The following ZFHX3 variants were observed in gnomAD, a reference collection of about 807,000 sequenced individuals.
ZFHX3 encodes the protein zinc finger homeobox protein 3.
Under a neutral mutation model 279.1 loss-of-function variants are expected in ZFHX3, and 42 were observed. The ratio of observed to expected loss-of-function variants is 0.15; its 90% CI spans 0.12 to 0.19. The LOEUF (loss-of-function observed/expected upper bound fraction) is 0.19, where lower values mean the gene tolerates loss of function less well. Among genes scored for constraint, ZFHX3 ranks in the 10% least tolerant of loss-of-function variants. The pLI is 1.00. For missense variants in ZFHX3, 4,981 were observed against 4,754.0 expected, an observed-to-expected ratio of 1.05 and a Z score of -1.40; for synonymous variants, 2,293 against 1,957.8, an observed-to-expected ratio of 1.17 and a Z score of -4.52.
At chr16:73,211,005 G>T (rs751044956) in intron 5 of ZFHX3, among the ~76,000 whole-genome samples, 10 of 152,140 alleles carry the variant, frequency 6.6e-5, no homozygotes, top group Non-Finnish European at 1.2e-4. Context: ...TAAGCAGGAA[G>T]ATATCTCTTT....
intron 2 of ZFHX3, among the ~76,000 whole-genome samples, chr16:73,660,769 A>G (rs1433720015): frequency 6.6e-6 from 1 of 152,200 alleles, no homozygotes. Flanking sequence ...TAATTCCTTT[A>G]TTGCATAAGT....
At chr16:73,565,424 A>G (rs750207697) in intron 2 of ZFHX3, among the ~76,000 whole-genome samples, 1 of 152,180 alleles carries the variant, frequency 6.6e-6, no homozygotes, top group Non-Finnish European at 1.5e-5. Context: ...TGTAACGTAG[A>G]ACTTCTAAAA....
Position 72,932,596 on chromosome 16 carries a change from T to A in ZFHX3, c.3216+17873A>T, listed in dbSNP as rs561721042. ...GTTAAATTACTGGCTCAAGGTCATT[T>A]CACTAAACATCGGTCATAATCTCTC... On this transcript the variant is annotated intron_variant, in intron 3 of 9. Transcript: ENST00000268489. 3.4e-5 allele frequency among the ~76,000 whole-genome samples: 5 copies of A among 148,840 alleles called. No individual in the cohort carries two copies. The South Asian group carries it at 1.1e-3, about 32-fold the overall frequency.
rs745946187 is a variant in ZFHX3 at position 72,786,254 on chromosome 16, T to C, written c.*910A>G. 3.3e-5 allele frequency: 5 copies of C among 152,480 alleles called. No individual in the cohort carries two copies. Among genetic ancestry groups the C allele is most frequent in the Non-Finnish European group, 1.5e-5 (1 of 68,010 alleles). The allele number at this position is 152,480 out of a possible 1,614,324, so 9.4% of individuals were successfully genotyped here. ...TGTACACAAAAGGTTTTTTTTTTTTTTTCCTTTTAAATCTACCATACTGCT... is the reference window on the plus strand; with the variant it reads ...TGTACACAAAAGGTTTTTTTTTTTTCTTCCTTTTAAATCTACCATACTGCT... On this transcript the variant is annotated 3_prime_UTR_variant, in exon 10 of 10. Coordinates refer to ENST00000268489, the MANE Select transcript of ZFHX3 (RefSeq NM_006885.4).
At chr16:73,669,018 CTTTT>C (rs1224149832) in intron 2 of ZFHX3, among the ~76,000 whole-genome samples, 1 of 150,304 alleles carries the variant, frequency 6.7e-6, no homozygotes, top group Non-Finnish European at 1.5e-5. Flanking sequence ...TTGTTTCTTT[CTTTT>C]TCTTTTCTAT....
chr16:73,666,200 A>C (rs2052841195), intron 2 of ZFHX3, among the ~76,000 whole-genome samples: 1 of 151,882 alleles, frequency 6.6e-6, no homozygotes, highest in Admixed American at 6.6e-5. Flanking sequence ...ATGGACATAC[A>C]GATTGGTTTA....
chr16:73,591,692 C>CAAAAAAAAAA (rs57402211), intron 2 of ZFHX3, among the ~76,000 whole-genome samples: 79 of 33,390 alleles, frequency 2.4e-3, no homozygotes, highest in Non-Finnish European at 2.9e-3. Flanking sequence ...GACTCTGTCT[C>CAAAAAAAAAA]AAAAAAAAAA....
At chr16:72,848,452 T>C (rs1233143485) in intron 4 of ZFHX3, among the ~76,000 whole-genome samples, 2 of 152,098 alleles carry the variant, frequency 1.3e-5, no homozygotes, top group African/African-American at 4.8e-5. Context: ...GGTCAATACC[T>C]AACAATGCAA....
chr16:73,111,156 G>C lies in ZFHX3; in HGVS notation c.-896-17558C>G, dbSNP rs1366820767. On this transcript the variant is annotated intron_variant, in intron 7 of 17. Coordinates refer to the ZFHX3 transcript ENST00000641206. ...AGGTTTCACCATGTTGGTCAGGCTG[G>C]TCTCGATCTCCTGGCCTCAAGTGAT... Among the ~76,000 whole-genome samples the C allele has an allele frequency of 2.0e-5, 3 of 152,110 alleles. No homozygotes were observed. The East Asian group carries it at 5.8e-4, about 29-fold the overall frequency.
Position 73,311,228 on chromosome 16 carries a change from C to T in ZFHX3, c.-1194+7012G>A, listed in dbSNP as rs1051209802. On this transcript the variant is annotated intron_variant, in intron 4 of 17. Coordinates refer to the ZFHX3 transcript ENST00000641206. ...AGACTGGGGGACAAGAGAGAGACTTCGTCTCCCTCCACAAAAAAAAACAAA... is the reference window on the plus strand; with the variant it reads ...AGACTGGGGGACAAGAGAGAGACTTTGTCTCCCTCCACAAAAAAAAACAAA... Among the ~76,000 whole-genome samples, 30 of 151,568 alleles carry T rather than the reference C, an allele frequency of 2.0e-4. 1 individual carries two copies. The highest frequency in any genetic ancestry group is 8.3e-4 in the South Asian group (4 of 4,794).
At chr16:73,261,230 A>G (rs2013815079) in intron 4 of ZFHX3, among the ~76,000 whole-genome samples, 1 of 152,202 alleles carries the variant, frequency 6.6e-6, no homozygotes, top group South Asian at 2.1e-4. Context: ...ATATTGTTAA[A>G]CTAAAAAAAA....
At chr16:72,973,892 G>C (rs1962221689) in intron 1 of ZFHX3, 1 of 152,100 alleles carries the variant, frequency 6.6e-6, no homozygotes, top group Non-Finnish European at 1.5e-5. Flanking sequence ...ACTCTACTCG[G>C]AAGGAGAAAA....
In ZFHX3 at chr16:72,787,722, G is replaced by T. The variant is rs566462936; in HGVS notation, c.10554C>A (p.Gly3518=). 17 of 1,229,778 alleles carry T rather than the reference G, an allele frequency of 1.4e-5. 1 individual carries two copies. Among genetic ancestry groups the T allele is most frequent in the Admixed American group, 5.1e-5 (1 of 19,588 alleles). The allele number at this position is 1,229,778 out of a possible 1,614,324, so 76.2% of individuals were successfully genotyped here. ...GGGGGSGGGG[G]GGGGGGGGGS... The stretch of plus-strand genomic sequence containing the variant: ...CGCCGCCGCCGCCGCCGCCGCCACC[G>T]CCGCCGCCGCCGCCACTGCCACCGC... Residue 3518 remains glycine (G), a synonymous_variant, in exon 10 of 10, where the codon GGC becomes GGA. Transcript: ENST00000268489.
chr16:73,677,837 C>T (rs970725792), intron 2 of ZFHX3, among the ~76,000 whole-genome samples: 3 of 151,840 alleles, frequency 2.0e-5, no homozygotes, highest in Admixed American at 2.0e-4. Context: ...TATGCAGAAA[C>T]CCTAAATAAA....
chr16:72,823,531 T>C (rs2036853466), intron 5 of ZFHX3, among the ~76,000 whole-genome samples: 2 of 152,220 alleles, frequency 1.3e-5, no homozygotes, highest in East Asian at 1.9e-4. Flanking sequence ...TAAGGGCATA[T>C]GGTGCTCAGA....
chr16:72,928,479 C>A (rs892570613), intron 3 of ZFHX3, among the ~76,000 whole-genome samples: 7 of 152,028 alleles, frequency 4.6e-5, no homozygotes, highest in Non-Finnish European at 7.4e-5. Context: ...TCTCTGGCAG[C>A]ACCCGGCTCA....
intron 1 of ZFHX3, among the ~76,000 whole-genome samples, chr16:73,837,737 A>T (rs1447866467): frequency 6.6e-6 from 1 of 152,140 alleles, no homozygotes; most frequent in Non-Finnish European, 1.5e-5. Context: ...TCCGCGTTCA[A>T]GCGATTCTCC....
At chr16:72,871,386 G>C (rs1322216771) in intron 4 of ZFHX3, among the ~76,000 whole-genome samples, 6 of 150,034 alleles carry the variant, frequency 4.0e-5, no homozygotes, top group Non-Finnish European at 7.4e-5. Context: ...TCTGTTGCCA[G>C]GCTGGAGTGC....
intron 1 of ZFHX3, among the ~76,000 whole-genome samples, chr16:73,688,740 A>T (rs566519382): frequency 2.6e-5 from 4 of 152,186 alleles, no homozygotes; most frequent in Admixed American, 6.5e-5. Flanking sequence ...TGCAGCCCCC[A>T]TAATTCCCAC....
Sources: gnomAD v4.1 joint callset for allele counts (sites outside exome capture counted in the v4.1 genomes callset) on GRCh38, gnomAD v4.1.1 for gene constraint, MANE v1.5 for transcripts, NCBI Gene and HGNC (gene_info 2026-07-23, HGNC 2026-07-21) for gene names.